The following NFXL1 variants were observed in gnomAD, a reference collection of about 807,000 sequenced individuals.
NFXL1 encodes the protein nuclear transcription factor, X-box binding like 1, also known as NF-X1-type zinc finger protein NFXL1.
In NFXL1, 66 loss-of-function variants were observed where a neutral mutation model predicts 123.3. The ratio of observed to expected loss-of-function variants is 0.54; its 90% CI spans 0.44 to 0.66. The LOEUF (loss-of-function observed/expected upper bound fraction) is 0.66, where lower values mean the gene tolerates loss of function less well. NFXL1 is among the 30% of genes least tolerant of loss of function. NFXL1 has a pLI of 0.00. For synonymous variants in NFXL1, 346 were observed against 360.8 expected (o/e 0.96, Z 0.46); for missense variants, 944 against 1,125.6 (o/e 0.84, Z 2.31).
At chr4:47,913,917 T>TA (rs1737972178) in intron 2 of NFXL1, 52 bp downstream of exon 2, 2 of 1,326,872 alleles carry the variant, frequency 1.5e-6, no homozygotes, top group Non-Finnish European at 2.1e-6. Flanking sequence ...TCCTGACTAG[T>TA]AACTGCCTTA....
chr4:47,898,196 A>AT (rs1737202685), intron 8 of NFXL1, 115 bp from the exon 9 acceptor site: 1 of 621,238 alleles, frequency 1.6e-6, no homozygotes, highest in Non-Finnish European at 2.8e-6. Flanking sequence ...TACGTCCCTC[A>AT]TATTATTTTA....
chr4:47,900,569 A>C (rs902722033), intron 5 of NFXL1, among the ~76,000 whole-genome samples: 4 of 152,198 alleles, frequency 2.6e-5, no homozygotes, highest in Non-Finnish European at 2.9e-5. Context: ...ACCATGAAAG[A>C]CTTTAAACTT....
Position 47,857,013 on chromosome 4 carries a change from T to C in NFXL1, c.2317-1850A>G, listed in dbSNP as rs115754132. Among the ~76,000 whole-genome samples the C allele has an allele frequency of 5.4e-3, 828 of 152,302 alleles. 8 individuals are homozygous for C. Among genetic ancestry groups the C allele is most frequent in the African/African-American group, 0.019 (801 of 41,560 alleles). On this transcript the variant is annotated intron_variant, in intron 19 of 22. Transcript: ENST00000507489. ...CTCAAAATACGTCTCTATATCCTCT[T>C]TCCTTAATTAATCTCTAAGGTAATT...
In NFXL1 at chr4:47,847,425, T is replaced by C. The variant is rs1270908642; in HGVS notation, c.*738A>G. ...TAAGGAGAAACGAGATTAAGGTACA[T>C]AGACCTCATAAGCCCTGTTGTCAGC... On this transcript the variant is annotated 3_prime_UTR_variant, in exon 23 of 23. Transcript: ENST00000507489. 2.0e-5 allele frequency: 3 copies of C among 152,230 alleles called. No homozygotes were observed. The highest frequency in any genetic ancestry group is 4.4e-5 in the Non-Finnish European group (3 of 68,032). The allele number at this position is 152,230 out of a possible 1,614,324, so 9.4% of individuals were successfully genotyped here. A position where few individuals can be genotyped will look rare whatever the true frequency, so the allele number is the denominator to read the frequency against.
intron 5 of NFXL1, among the ~76,000 whole-genome samples, chr4:47,901,654 G>T (rs1737360798): frequency 6.6e-6 from 1 of 152,088 alleles, no homozygotes; most frequent in African/African-American, 2.4e-5. Flanking sequence ...TAAAAGCCAG[G>T]TCATAAGAGA....
Position 47,890,627 on chromosome 4 carries a change from G to T in NFXL1, c.1529C>A (p.Ser510Tyr). 1.3e-6 allele frequency: 2 copies of T among 1,593,636 alleles called. No individual in the cohort carries two copies. The highest frequency in any genetic ancestry group is 1.7e-6 in the Non-Finnish European group (2 of 1,161,920). ...TLGCRNHKCP[S>Y]VCHRGSCYPC... ...TTAAAGTTTACCTCTGTGACAGACA[G>T]ATGGACACTTATGGTTTCTACATCC... The change falls in exon 12 of 23, where the codon TCT (serine) becomes TAT (tyrosine). Residue 510 changes from serine to tyrosine, a missense_variant. Around this residue, in one of 4 missense-constraint regions of NFXL1, gnomAD observed 296 missense variants for 395.1 expected, o/e 0.75. Coordinates refer to ENST00000507489, the MANE Select transcript of NFXL1 (RefSeq NM_001278624.2).
At chr4:47,863,720 G>T (rs1734895959) in intron 18 of NFXL1, among the ~76,000 whole-genome samples, 1 of 152,232 alleles carries the variant, frequency 6.6e-6, no homozygotes, top group Non-Finnish European at 1.5e-5. Context: ...CTTTAGATCT[G>T]ATCATTTTTG....
intron 20 of NFXL1, 199 bp from the exon 21 acceptor site, chr4:47,852,141 G>T: frequency 2.2e-6 from 1 of 455,036 alleles, no homozygotes. Flanking sequence ...ACTTAAAAAA[G>T]AGAATACCAT....
intron 18 of NFXL1, among the ~76,000 whole-genome samples, chr4:47,866,543 C>G (rs745736592): frequency 6.6e-6 from 1 of 152,080 alleles, no homozygotes; most frequent in African/African-American, 2.4e-5. Context: ...CTGTATCTCC[C>G]ACCCAAAAAA....
chr4:47,879,199 TA>T, intron 15 of NFXL1, 82 bp from the exon 16 acceptor site: 2 of 547,928 alleles, frequency 3.7e-6, no homozygotes, highest in East Asian at 3.4e-5. Flanking sequence ...CTACTAGCAT[TA>T]AAAAAATAAA....
Position 47,913,870 on chromosome 4 carries a change from A to G in NFXL1, c.235+99T>C, listed in dbSNP as rs980941185. On this transcript the variant is annotated intron_variant, in intron 2 of 22. Transcript: ENST00000507489. ...CGATAACAAACTCCCGAACGAGGGGAAAAGCAGTGAAAGAAAGAAGGCGAG... is the reference window on the plus strand; with the variant it reads ...CGATAACAAACTCCCGAACGAGGGGGAAAGCAGTGAAAGAAAGAAGGCGAG... The G allele has an allele frequency of 6.5e-5, 50 of 766,268 alleles. 1 individual carries two copies. The African/African-American group carries it at 6.5e-4, about 10-fold the overall frequency. The allele number at this position is 766,268 out of a possible 1,614,324, so 47.5% of individuals were successfully genotyped here. A position where few individuals can be genotyped will look rare whatever the true frequency, so the allele number is the denominator to read the frequency against.
intron 3 of NFXL1, among the ~76,000 whole-genome samples, chr4:47,907,758 T>C (rs1393360641): frequency 1.3e-5 from 2 of 152,236 alleles, no homozygotes; most frequent in African/African-American, 4.8e-5. Flanking sequence ...TGACAAATGT[T>C]TTCTACATAC....
intron 4 of NFXL1, among the ~76,000 whole-genome samples, chr4:47,904,618 G>C (rs1737484742): frequency 6.6e-6 from 1 of 152,162 alleles, no homozygotes; most frequent in African/African-American, 2.4e-5. Context: ...GCTTTCTCTA[G>C]GCAATGCTGC....
At chr4:47,898,476 G>A (rs1254469207) in intron 8 of NFXL1, among the ~76,000 whole-genome samples, 2 of 152,062 alleles carry the variant, frequency 1.3e-5, no homozygotes, top group African/African-American at 2.4e-5. Context: ...GTTGAAGAGA[G>A]GGGAAAGAGA....
At chr4:47,858,528 AC>A (rs1425496221) in intron 19 of NFXL1, among the ~76,000 whole-genome samples, 6 of 152,242 alleles carry the variant, frequency 3.9e-5, no homozygotes, top group African/African-American at 1.2e-4. Flanking sequence ...ACAAACTTAT[AC>A]AATGGAATCA....
In NFXL1 at chr4:47,878,562, T is replaced by C; in HGVS notation, c.2042A>G (p.Lys681Arg). 1 of 1,604,698 alleles carries C rather than the reference T, an allele frequency of 6.2e-7. No individual in the cohort carries two copies. The highest frequency in any genetic ancestry group is 8.5e-7 in the Non-Finnish European group (1 of 1,175,844). The change falls in exon 17 of 23, where the codon AAA (lysine) becomes AGA (arginine). Residue 681 changes from lysine (K) to arginine (R), a missense_variant. Coordinates refer to ENST00000507489, the MANE Select transcript of NFXL1 (RefSeq NM_001278624.2). ...QNHTCMKECH[K>R]VTKTDGCTGK... ...AGTGCAGCCATCAGTTTTGGTTACTTTGTGGCATTCTTTCATACATGTGTG... is the reference window on the plus strand; with the variant it reads ...AGTGCAGCCATCAGTTTTGGTTACTCTGTGGCATTCTTTCATACATGTGTG...
chr4:47,900,279 G>A lies in NFXL1; in HGVS notation c.648-731C>T, dbSNP rs1737304731. On this transcript the variant is annotated intron_variant, in intron 5 of 22. Transcript: ENST00000507489. ...GGCTGGAGTATAGTGGCGCAATCTC[G>A]GCTCACTGCAACCTCTGCCTCCTAG... Among the ~76,000 whole-genome samples, 5 of 151,642 alleles carry A rather than the reference G, an allele frequency of 3.3e-5. No homozygotes were observed. In the South Asian group the frequency reaches 8.3e-4, roughly 25 times the overall value.
At chr4:47,882,147 TCTATA>T (rs1201184335) in intron 15 of NFXL1, 2 of 152,318 alleles carry the variant, frequency 1.3e-5, no homozygotes, top group East Asian at 3.9e-4. Flanking sequence ...ATAGGAACTC[TCTATA>T]CTTTCTGTGC....
intron 15 of NFXL1, 22 bp downstream of exon 15, chr4:47,884,324 T>TA: frequency 7.2e-7 from 1 of 1,388,996 alleles, no homozygotes; most frequent in East Asian, 2.3e-5. Flanking sequence ...TTTTTTTTTT[T>TA]AATTGAAATT....
Sources: gnomAD v4.1 joint callset for allele counts (sites outside exome capture counted in the v4.1 genomes callset) on GRCh38, gnomAD v4.1.1 for gene constraint, gnomAD v4.1.1 regional missense constraint, MANE v1.5 for transcripts, NCBI Gene and HGNC (gene_info 2026-07-23, HGNC 2026-07-21) for gene names.